TOP6BL: variants seen among roughly 807,000 people sequenced by gnomAD.
TOP6BL encodes type 2 DNA topoisomerase 6 subunit B-like.
the TOP6BL span, among the ~76,000 whole-genome samples, chr11:66,841,125 T>TTC: frequency 1.4e-5 from 2 of 147,000 alleles, no homozygotes; most frequent in African/African-American, 5.1e-5. Context: ...TTTTTTTTTT[T>TTC]TTTTTTTTTG....
the TOP6BL span, chr11:66,796,470 C>A: frequency 1.2e-6 from 1 of 847,996 alleles, no homozygotes; most frequent in Non-Finnish European, 1.8e-6. Context: ...CTTTTTCTTT[C>A]AATGAAGATG....
the TOP6BL span, among the ~76,000 whole-genome samples, chr11:66,747,120 A>G: frequency 6.6e-6 from 1 of 151,816 alleles, no homozygotes; most frequent in Non-Finnish European, 1.5e-5. Flanking sequence ...TATTTTTAGT[A>G]GAGATGGGGT....
At chr11:66,750,930 C>G in the TOP6BL span, among the ~76,000 whole-genome samples, 1 of 151,466 alleles carries the variant, frequency 6.6e-6, no homozygotes, top group Non-Finnish European at 1.5e-5. Flanking sequence ...GTCTGAAACC[C>G]CTGGGCTCAA....
At chr11:66,787,276 G>A in the TOP6BL span, among the ~76,000 whole-genome samples, 1 of 151,920 alleles carries the variant, frequency 6.6e-6, no homozygotes, top group African/African-American at 2.4e-5. Context: ...ACTTTTTTGA[G>A]GTGGTTAAAA....
the TOP6BL span, among the ~76,000 whole-genome samples, chr11:66,770,231 C>T: frequency 6.6e-6 from 1 of 152,142 alleles, no homozygotes; most frequent in South Asian, 2.1e-4. Flanking sequence ...GCCTTCCCAG[C>T]CTTCAGAATT....
the TOP6BL span, chr11:66,759,071 C>G: frequency 4.5e-6 from 7 of 1,566,510 alleles, no homozygotes; most frequent in Non-Finnish European, 6.1e-6. Context: ...TTTTTGGTGG[C>G]ATGGTCCTCA....
the TOP6BL span, among the ~76,000 whole-genome samples, chr11:66,832,423 A>G: frequency 6.6e-6 from 1 of 152,200 alleles, no homozygotes; most frequent in Non-Finnish European, 1.5e-5. Flanking sequence ...AAAATGAGTA[A>G]CAGGGCCTTT....
chr11:66,843,348 C>T, the TOP6BL span: 2 of 1,455,750 alleles, frequency 1.4e-6, no homozygotes, highest in Non-Finnish European at 1.8e-6. Context: ...TCTGCTTCCG[C>T]GTCGGGCCCG....
chr11:66,757,180 T>A, the TOP6BL span, among the ~76,000 whole-genome samples: 1 of 151,982 alleles, frequency 6.6e-6, no homozygotes, highest in Non-Finnish European at 1.5e-5. Context: ...TCGTCTCTAC[T>A]AAAAATACAA....
At chr11:66,758,296 C>CTTTTTTT in the TOP6BL span, 1 of 57,396 alleles carries the variant, frequency 1.7e-5, no homozygotes, top group Non-Finnish European at 3.3e-5. Flanking sequence ...CTGGTATTTT[C>CTTTTTTT]TTTTTCTTTT....
the TOP6BL span, among the ~76,000 whole-genome samples, chr11:66,775,112 CAAAA>C: frequency 1.7e-5 from 1 of 57,988 alleles, no homozygotes; most frequent in South Asian, 8.4e-4. Flanking sequence ...GACTCTGTCT[CAAAA>C]AAAAAAAAAA....
the TOP6BL span, chr11:66,822,799 T>C: frequency 3.1e-6 from 2 of 650,988 alleles, no homozygotes; most frequent in East Asian, 2.8e-5. Context: ...AGCCCAGGAA[T>C]TTGACACCAG....
At chr11:66,835,858 C>A in the TOP6BL span, among the ~76,000 whole-genome samples, 1 of 152,134 alleles carries the variant, frequency 6.6e-6, no homozygotes, top group African/African-American at 2.4e-5. Flanking sequence ...TATGCTGTTA[C>A]GAACAGCATA....
chr11:66,821,903 C>G, the TOP6BL span: 1 of 1,053,594 alleles, frequency 9.5e-7, no homozygotes, highest in Non-Finnish European at 1.4e-6. Flanking sequence ...GATCTTGTAA[C>G]ACTGCATCTA....
At chr11:66,781,028 G>A in the TOP6BL span, among the ~76,000 whole-genome samples, 1 of 152,050 alleles carries the variant, frequency 6.6e-6, no homozygotes, top group Non-Finnish European at 1.5e-5. Context: ...ACCTAGGTGT[G>A]ATTTTCTTTG....
At chr11:66,796,309 C>T in the TOP6BL span, 1 of 1,610,762 alleles carries the variant, frequency 6.2e-7, no homozygotes, top group Non-Finnish European at 8.5e-7. Context: ...ACCTTGATGA[C>T]AGATTGTCTG....
the TOP6BL span, among the ~76,000 whole-genome samples, chr11:66,811,764 G>A: frequency 6.6e-6 from 1 of 152,146 alleles, no homozygotes; most frequent in East Asian, 1.9e-4. Flanking sequence ...AACTTAAAAA[G>A]GAGATAAAAT....
At chr11:66,756,385 T>G in the TOP6BL span, 2 of 1,178,482 alleles carry the variant, frequency 1.7e-6, no homozygotes, top group Non-Finnish European at 2.2e-6. Flanking sequence ...CAGGCCGGAG[T>G]GCAGTGGCGC....
the TOP6BL span, among the ~76,000 whole-genome samples, chr11:66,803,731 G>GT: frequency 2.0e-5 from 3 of 151,962 alleles, no homozygotes; most frequent in Non-Finnish European, 2.9e-5. Context: ...GGTCTAAAAT[G>GT]TTTTTTTAAA....
Sources: allele counts gnomAD v4.1 joint callset (sites outside exome capture counted in the v4.1 genomes callset), GRCh38; gene constraint gnomAD v4.1.1; transcripts MANE v1.5; gene names NCBI Gene and HGNC (gene_info 2026-07-23, HGNC 2026-07-21).